Variants in BCAP31 observed in about 807,000 individuals in gnomAD.
BCAP31 encodes B-cell receptor-associated protein 31.
For missense variants in BCAP31, 124 were observed against 193.0 expected (o/e 0.64, Z 2.12); for synonymous variants, 75 against 80.9 (o/e 0.93, Z 0.39).
At chrX:153,715,291 G>T in intron 4 of BCAP31, 1 of 394,538 alleles carries the variant, frequency 2.5e-6, no homozygotes, top group Non-Finnish European at 4.4e-6. Flanking sequence ...ATAGTCATCT[G>T]TTTGCCTGAG....
rs782173129 is a variant in BCAP31, at chrX:153,711,734, G to A, written c.341+3808C>T. Among the ~76,000 whole-genome samples, 6 of 110,229 alleles carry A rather than the reference G, an allele frequency of 5.4e-5. No individual in the cohort carries two copies. In the South Asian group the frequency reaches 1.9e-3, roughly 36 times the overall value. On this transcript the variant is annotated intron_variant, in intron 4 of 7. Coordinates refer to ENST00000345046, the MANE Select transcript of BCAP31 (RefSeq NM_001256447.2). ...CCAGCCTGGCCAACAGGGCAAAACC[G>A]TCTCTACTAAAAATACAAAAATTAG...
intron 1 of BCAP31, chrX:153,723,562 C>G: frequency 3.4e-6 from 4 of 1,168,352 alleles, no homozygotes; most frequent in Non-Finnish European, 4.6e-6. Flanking sequence ...CCCGACGATC[C>G]CTGCCCCAGG....
intron 4 of BCAP31, among the ~76,000 whole-genome samples, chrX:153,709,296 C>T (rs1557048735): frequency 8.9e-6 from 1 of 111,862 alleles, no homozygotes; most frequent in Non-Finnish European, 1.9e-5. Flanking sequence ...GGGATTCTAC[C>T]CTGGAGGGGT....
chrX:153,718,966 T>G (rs956872560), intron 3 of BCAP31, among the ~76,000 whole-genome samples: 2 of 111,992 alleles, frequency 1.8e-5, no homozygotes, highest in Non-Finnish European at 3.8e-5. Context: ...CACTAGTACC[T>G]GTGACTAACA....
intron 6 of BCAP31, 116 bp from the exon 7 acceptor site, chrX:153,702,223 T>C (rs1458528718): frequency 3.6e-6 from 2 of 561,740 alleles, no homozygotes; most frequent in East Asian, 7.6e-5. Flanking sequence ...AACGAGGTTA[T>C]ACAGGAGGCT....
chrX:153,701,022 TC>T lies in BCAP31; in HGVS notation c.703-48del. 3 of 1,109,032 alleles carry T rather than the reference TC, an allele frequency of 2.7e-6. No individual in the cohort carries two copies. The African/African-American group carries it at 5.4e-5, about 20-fold the overall frequency. 91.4% of individuals were successfully genotyped at this position (1,109,032 alleles called of 1,213,427 possible). ...ACAGCAGTAGGTTGGCCGGGTCCAC[TC>T]CTCCCCTGCCACCTCCAGCCCCATG... On this transcript the variant is annotated intron_variant, in intron 7 of 7. Coordinates refer to ENST00000345046, the MANE Select transcript of BCAP31 (RefSeq NM_001256447.2).
intron 3 of BCAP31, among the ~76,000 whole-genome samples, chrX:153,719,341 T>C (rs1255813555): frequency 9.0e-6 from 1 of 111,262 alleles, no homozygotes; most frequent in African/African-American, 3.3e-5. Context: ...ATTACCTACC[T>C]ACTCCTGGCT....
intron 4 of BCAP31, among the ~76,000 whole-genome samples, chrX:153,709,136 T>C (rs1407421788): frequency 9.0e-6 from 1 of 111,332 alleles, no homozygotes; most frequent in Non-Finnish European, 1.9e-5. Flanking sequence ...TCTGAGGGGT[T>C]TGGGGTAAGC....
At chrX:153,713,407 T>C (rs1354039150) in intron 4 of BCAP31, among the ~76,000 whole-genome samples, 2 of 112,085 alleles carry the variant, frequency 1.8e-5, no homozygotes, top group African/African-American at 3.2e-5. Flanking sequence ...ACTCCATCTA[T>C]AGAAGGCTGA....
At position 153,724,124 on chromosome X, in the gene BCAP31, C is replaced by T. The variant is rs1236554631; in HGVS notation, c.-45+210G>A. The stretch of plus-strand genomic sequence containing the variant: ...ATCCCGGCCGCTCCTCCAGGTGGGG[C>T]TTCACCGCCCCCCGCCCCGCCCCCG... On this transcript the variant is annotated intron_variant, in intron 1 of 7. Transcript: ENST00000345046. 9 of 271,092 alleles carry T rather than the reference C, an allele frequency of 3.3e-5. No homozygotes were observed. In the East Asian group the frequency reaches 1.1e-3, roughly 33 times the overall value. 22.3% of individuals were successfully genotyped at this position (271,092 alleles called of 1,213,427 possible).
At chrX:153,706,163 C>T (rs1465504906) in intron 4 of BCAP31, among the ~76,000 whole-genome samples, 2 of 111,371 alleles carry the variant, frequency 1.8e-5, no homozygotes, top group African/African-American at 6.5e-5. Flanking sequence ...GTTCCCCTTC[C>T]TCTTGCCAAC....
intron 5 of BCAP31, 31 bp downstream of exon 5, chrX:153,703,928 G>A (rs782152638): frequency 3.7e-5 from 44 of 1,203,237 alleles, no homozygotes; most frequent in South Asian, 1.8e-5. Flanking sequence ...ACACCAGGAC[G>A]CCCCATGGTG....
chrX:153,712,503 T>G (rs782108301), intron 4 of BCAP31, among the ~76,000 whole-genome samples: 1 of 112,054 alleles, frequency 8.9e-6, no homozygotes, highest in South Asian at 3.7e-4. Context: ...AACACTCAAG[T>G]CACCAAGGGG....
In BCAP31 at chrX:153,706,976, G is replaced by A. The variant is rs143835236; in HGVS notation, c.342-2882C>T. Among the ~76,000 whole-genome samples the A allele has an allele frequency of 8.9e-5, 10 of 111,883 alleles. No homozygotes were observed. In the East Asian group the frequency reaches 1.1e-3, roughly 13 times the overall value. On this transcript the variant is annotated intron_variant, in intron 4 of 7. Transcript: ENST00000345046. Reference sequence around the variant, plus strand: ...TGCTTAAGCCACCTGCTGCCAGCACGCATGCCCTCAGTGAGCTCTCCTCCT... The same window carrying A: ...TGCTTAAGCCACCTGCTGCCAGCACACATGCCCTCAGTGAGCTCTCCTCCT...
chrX:153,715,409 G>A, intron 4 of BCAP31, 133 bp downstream of exon 4: 4 of 975,324 alleles, frequency 4.1e-6, no homozygotes, highest in Non-Finnish European at 5.7e-6. Flanking sequence ...AACACAGACA[G>A]GGCTTTGGGA....
At chrX:153,705,853 C>T (rs1330783245) in intron 4 of BCAP31, among the ~76,000 whole-genome samples, 19 of 112,225 alleles carry the variant, frequency 1.7e-4, no homozygotes, top group African/African-American at 1.6e-4. Context: ...CTATACTCCC[C>T]GCCACCAGGC....
chrX:153,716,578 CAAAAAAAAA>C (rs782072647), intron 3 of BCAP31, among the ~76,000 whole-genome samples: 11 of 27,361 alleles, frequency 4.0e-4, no homozygotes, highest in South Asian at 2.2e-3. Context: ...TCTCTCTCAA[CAAAAAAAAA>C]AAAAAAAAAA....
chrX:153,705,938 C>T (rs1375639122), intron 4 of BCAP31, among the ~76,000 whole-genome samples: 11 of 112,378 alleles, frequency 9.8e-5, no homozygotes, highest in African/African-American at 3.2e-4. Flanking sequence ...CAAATGCTTC[C>T]GCGGCAGTGC....
intron 2 of BCAP31, 76 bp downstream of exon 2, chrX:153,723,077 G>A: frequency 8.8e-7 from 1 of 1,133,760 alleles, no homozygotes; most frequent in Non-Finnish European, 1.2e-6. Context: ...GGGTCCACCA[G>A]CTGCACACAC....
Sources: allele counts gnomAD v4.1 joint callset (sites outside exome capture counted in the v4.1 genomes callset), GRCh38; gene constraint gnomAD v4.1.1; transcripts MANE v1.5; gene names NCBI Gene and HGNC (gene_info 2026-07-23, HGNC 2026-07-21).